Variants in SH3PXD2A observed in about 807,000 individuals in gnomAD.
The protein encoded by SH3PXD2A is SH3 and PX domain-containing protein 2A.
Under a neutral mutation model 115.2 loss-of-function variants are expected in SH3PXD2A, and 32 were observed. The observed-to-expected ratio is 0.28, with a 90% CI of 0.21 to 0.37. The LOEUF (loss-of-function observed/expected upper bound fraction) is 0.37, where lower values mean the gene tolerates loss of function less well. Among genes scored for constraint, SH3PXD2A ranks in the 10% least tolerant of loss-of-function variants. The pLI, the probability that SH3PXD2A is intolerant of heterozygous loss-of-function variation, is 1.00. For missense variants in SH3PXD2A, 1,328 were observed against 1,498.7 expected (o/e 0.89, Z 1.88); for synonymous variants, 610 against 629.1 (o/e 0.97, Z 0.45).
At chr10:103,661,675 GGGAGA>G (rs1258893668) in intron 7 of SH3PXD2A, 3 of 985,062 alleles carry the variant, frequency 3.0e-6, no homozygotes, top group Non-Finnish European at 3.6e-6. Flanking sequence ...GGGCGGGAGA[GGGAGA>G]GGAGAGAGCG....
Position 103,599,076 on chromosome 10 carries a change from T to C in SH3PXD2A, c.*2740A>G, listed in dbSNP as rs2036178759. The C allele has an allele frequency of 6.6e-6, 1 of 152,228 alleles. No homozygotes were observed. The highest frequency in any genetic ancestry group is 2.4e-5 in the African/African-American group (1 of 41,300). The allele number at this position is 152,228 out of a possible 1,614,324, so 9.4% of individuals were successfully genotyped here. On this transcript the variant is annotated 3_prime_UTR_variant, in exon 15 of 15. Transcript: ENST00000369774. Reference sequence around the variant, plus strand: ...ACCACACAATAAACTATAATGGCAGTGAGGAGGAGCACGGGATTAATGTAG... The same window carrying C: ...ACCACACAATAAACTATAATGGCAGCGAGGAGGAGCACGGGATTAATGTAG...
intron 4 of SH3PXD2A, among the ~76,000 whole-genome samples, chr10:103,727,013 T>C (rs913862140): frequency 3.3e-5 from 5 of 152,220 alleles, no homozygotes; most frequent in African/African-American, 9.6e-5. Flanking sequence ...GGCCCTATCC[T>C]TGGCCCCTTG....
intron 1 of SH3PXD2A, among the ~76,000 whole-genome samples, chr10:103,810,821 T>C (rs1051501393): frequency 4.5e-5 from 6 of 132,400 alleles, no homozygotes; most frequent in Non-Finnish European, 1.0e-4. Context: ...GACACAGACA[T>C]ACACACAACA....
At position 103,719,267 on chromosome 10, in the gene SH3PXD2A, T is replaced by C. The variant is rs1337396797; in HGVS notation, c.398+5003A>G. Among the ~76,000 whole-genome samples the C allele has an allele frequency of 2.0e-5, 3 of 151,942 alleles. No homozygotes were observed. In the South Asian group the frequency reaches 6.2e-4, roughly 32 times the overall value. On this transcript the variant is annotated intron_variant, in intron 5 of 14. Coordinates refer to ENST00000369774, the MANE Select transcript of SH3PXD2A (RefSeq NM_001394015.1). ...AGGTGGGGAGCGGGTGCTGACGAGG[T>C]TGGGAAGGCGTAGTGGGTGTGAGCT...
In SH3PXD2A at chr10:103,600,824, T is replaced by C. The variant is rs544581063; in HGVS notation, c.*992A>G. The C allele has an allele frequency of 1.3e-5, 2 of 152,106 alleles. No homozygotes were observed. The highest frequency in any genetic ancestry group is 4.2e-4 in the South Asian group (2 of 4,808). 9.4% of individuals were successfully genotyped at this position (152,106 alleles called of 1,614,324 possible). A position where few individuals can be genotyped will look rare whatever the true frequency, so the allele number is the denominator to read the frequency against. ...ACTTTGGCTTGTGGAGGGGGAAGAA[T>C]GTGAAACAAAAACAAAAGCAAAATC... On this transcript the variant is annotated 3_prime_UTR_variant, in exon 15 of 15. Coordinates refer to ENST00000369774, the MANE Select transcript of SH3PXD2A (RefSeq NM_001394015.1).
chr10:103,679,522 C>T (rs187073587), intron 6 of SH3PXD2A, among the ~76,000 whole-genome samples: 78 of 152,304 alleles, frequency 5.1e-4, no homozygotes, highest in African/African-American at 1.8e-3. Flanking sequence ...GCAGAAGGAG[C>T]GAGCCAAGTC....
chr10:103,803,585 A>G (rs2039167811), intron 1 of SH3PXD2A, among the ~76,000 whole-genome samples: 1 of 152,238 alleles, frequency 6.6e-6, no homozygotes, highest in African/African-American at 2.4e-5. Flanking sequence ...TTACACAGCT[A>G]ATAAATTACA....
chr10:103,729,553 A>C (rs2038289013), intron 4 of SH3PXD2A, among the ~76,000 whole-genome samples: 1 of 152,224 alleles, frequency 6.6e-6, no homozygotes, highest in Admixed American at 6.5e-5. Flanking sequence ...TCTAGCCCTC[A>C]GGTTCTGGGG....
chr10:103,607,433 C>G (rs1458858816), intron 13 of SH3PXD2A, among the ~76,000 whole-genome samples: 1 of 151,752 alleles, frequency 6.6e-6, no homozygotes, highest in Admixed American at 6.6e-5. Context: ...GCCAGCCGCC[C>G]TGTCCGGGAG....
chr10:103,690,545 G>A (rs2037737964), intron 6 of SH3PXD2A, among the ~76,000 whole-genome samples: 1 of 152,198 alleles, frequency 6.6e-6, no homozygotes, highest in Non-Finnish European at 1.5e-5. Context: ...GTGTGTGTGT[G>A]TCAGTCTTTG....
chr10:103,635,268 T>C (rs906990668), intron 8 of SH3PXD2A, among the ~76,000 whole-genome samples: 3 of 152,226 alleles, frequency 2.0e-5, no homozygotes, highest in Non-Finnish European at 4.4e-5. Context: ...AAGTCAACCC[T>C]GGTTTCCAGG....
chr10:103,809,825 C>T (rs1047400592), intron 1 of SH3PXD2A, among the ~76,000 whole-genome samples: 21 of 151,074 alleles, frequency 1.4e-4, no homozygotes, highest in African/African-American at 5.1e-4. Context: ...GCTGGGATTA[C>T]AGGCGTGTGT....
intron 1 of SH3PXD2A, among the ~76,000 whole-genome samples, chr10:103,803,364 A>C (rs540082083): frequency 1.3e-5 from 2 of 152,372 alleles, no homozygotes; most frequent in African/African-American, 4.8e-5. Flanking sequence ...ATATGTAAAT[A>C]GGTATCACAT....
At chr10:103,772,417 G>A (rs991399603) in intron 2 of SH3PXD2A, among the ~76,000 whole-genome samples, 9 of 152,226 alleles carry the variant, frequency 5.9e-5, no homozygotes, top group African/African-American at 1.7e-4. Context: ...AGTTCTCCGG[G>A]ACCACCTTTG....
In SH3PXD2A at chr10:103,692,971, G is replaced by A. The variant is rs377502549; in HGVS notation, c.427+57C>T. 3.0e-5 allele frequency: 44 copies of A among 1,491,334 alleles called. No individual in the cohort carries two copies. In the African/African-American group the frequency reaches 5.5e-4, roughly 19 times the overall value. 92.4% of individuals were successfully genotyped at this position (1,491,334 alleles called of 1,614,324 possible). A position where few individuals can be genotyped will look rare whatever the true frequency, so the allele number is the denominator to read the frequency against. On this transcript the variant is annotated intron_variant, in intron 6 of 14. Transcript: ENST00000369774. ...AGAAGTCCTCTGCAGGATCGGAGGG[G>A]CGCGTGCACGAAGCGGGAAGGAAGG...
chr10:103,629,719 C>T (rs1400442734), intron 8 of SH3PXD2A, among the ~76,000 whole-genome samples: 2 of 152,216 alleles, frequency 1.3e-5, no homozygotes, highest in African/African-American at 4.8e-5. Context: ...GAAGGGGTTT[C>T]ACTGTCTACT....
At chr10:103,611,167 C>T (rs2036421640) in intron 13 of SH3PXD2A, among the ~76,000 whole-genome samples, 1 of 152,202 alleles carries the variant, frequency 6.6e-6, no homozygotes, top group South Asian at 2.1e-4. Flanking sequence ...CCTCTGCCCT[C>T]CCAGACTCTG....
intron 1 of SH3PXD2A, among the ~76,000 whole-genome samples, chr10:103,809,513 G>A (rs1001027949): frequency 2.1e-4 from 32 of 152,248 alleles, no homozygotes; most frequent in African/African-American, 6.5e-4. Flanking sequence ...CTGGGGAAAA[G>A]GGTTTTTAAA....
intron 6 of SH3PXD2A, among the ~76,000 whole-genome samples, chr10:103,669,261 A>G (rs1450162565): frequency 6.6e-6 from 1 of 152,114 alleles, no homozygotes; most frequent in African/African-American, 2.4e-5. Context: ...CCCAACCCCA[A>G]AGCAGAAGGA....
Sources: gnomAD v4.1 joint callset for allele counts (sites outside exome capture counted in the v4.1 genomes callset) on GRCh38, gnomAD v4.1.1 for gene constraint, MANE v1.5 for transcripts, NCBI Gene and HGNC (gene_info 2026-07-23, HGNC 2026-07-21) for gene names.